Variants in OSBPL1A observed in about 807,000 individuals in gnomAD.
OSBPL1A encodes oxysterol-binding protein-related protein 1.
OSBPL1A carries 80 observed loss-of-function variants against 137.1 expected under a neutral mutation model. The ratio of observed to expected loss-of-function variants is 0.58; its 90% CI spans 0.49 to 0.70. OSBPL1A has a LOEUF of 0.70. OSBPL1A is among the 30% of genes least tolerant of loss of function. The pLI is 0.00. For missense variants in OSBPL1A, 970 were observed against 1,129.4 expected, an observed-to-expected ratio of 0.86 and a Z score of 2.02; for synonymous variants, 365 against 389.7, an observed-to-expected ratio of 0.94 and a Z score of 0.75.
At chr18:24,368,448 A>T in intron 2 of OSBPL1A, 76 bp from the exon 3 acceptor site, 1 of 1,050,642 alleles carries the variant, frequency 9.5e-7, no homozygotes, top group South Asian at 1.3e-5. Flanking sequence ...TCTCCATAAC[A>T]AGCTACCTCA....
chr18:24,270,626 A>C (rs1017918894), intron 15 of OSBPL1A, among the ~76,000 whole-genome samples: 2 of 152,156 alleles, frequency 1.3e-5, no homozygotes, highest in African/African-American at 4.8e-5. Flanking sequence ...ACTAAACAGA[A>C]ATTGAGTTAC....
In OSBPL1A at chr18:24,163,107, G is replaced by T; in HGVS notation, c.*72C>A. 1.7e-6 allele frequency: 2 copies of T among 1,152,922 alleles called. No homozygotes were observed. Among genetic ancestry groups the T allele is most frequent in the South Asian group, 1.5e-5 (1 of 67,350 alleles). 71.4% of individuals were successfully genotyped at this position (1,152,922 alleles called of 1,614,324 possible). On this transcript the variant is annotated 3_prime_UTR_variant, in exon 28 of 28. Coordinates refer to ENST00000319481, the MANE Select transcript of OSBPL1A (RefSeq NM_080597.4). Reference sequence around the variant, plus strand: ...TTTTTAAAAGATAAGTAGAAACCAAGGGAAAAAAATTTAAAAACATAGGTT... The same window carrying T: ...TTTTTAAAAGATAAGTAGAAACCAATGGAAAAAAATTTAAAAACATAGGTT...
chr18:24,292,448 T>C (rs144815614), intron 14 of OSBPL1A, among the ~76,000 whole-genome samples: 8 of 152,274 alleles, frequency 5.3e-5, no homozygotes, highest in African/African-American at 1.9e-4. Context: ...TGTTTCTCCC[T>C]GAGTTTGAGA....
intron 14 of OSBPL1A, among the ~76,000 whole-genome samples, chr18:24,301,672 TGA>T (rs1476686538): frequency 2.6e-5 from 4 of 152,216 alleles, no homozygotes; most frequent in Non-Finnish European, 5.9e-5. Context: ...TAAAGTCTAT[TGA>T]GAATGAACAG....
intron 21 of OSBPL1A, among the ~76,000 whole-genome samples, chr18:24,175,118 A>ATATATATATG (rs1567920145): frequency 7.9e-6 from 1 of 126,732 alleles, no homozygotes; most frequent in African/African-American, 3.6e-5. Flanking sequence ...GTATATATAT[A>ATATATATATG]TATATATATA....
chr18:24,379,449 G>A (rs1373226482), intron 1 of OSBPL1A, among the ~76,000 whole-genome samples: 1 of 151,904 alleles, frequency 6.6e-6, no homozygotes, highest in Non-Finnish European at 1.5e-5. Context: ...GAACCTGGGA[G>A]GTGGAGGTTG....
At chr18:24,302,921 T>C (rs1230317766) in intron 14 of OSBPL1A, among the ~76,000 whole-genome samples, 1 of 152,160 alleles carries the variant, frequency 6.6e-6, no homozygotes, top group African/African-American at 2.4e-5. Flanking sequence ...TTAAAAGTGT[T>C]GTTCGAAGTA....
At chr18:24,393,165 T>C (rs150660370) in intron 1 of OSBPL1A, among the ~76,000 whole-genome samples, 1 of 152,398 alleles carries the variant, frequency 6.6e-6, no homozygotes, top group East Asian at 1.9e-4. Flanking sequence ...TGCAATCATA[T>C]ACCTACATGT....
intron 1 of OSBPL1A, among the ~76,000 whole-genome samples, chr18:24,384,979 G>T (rs1482622872): frequency 1.3e-5 from 2 of 149,206 alleles, no homozygotes; most frequent in East Asian, 3.9e-4. Context: ...TTTTGAGATG[G>T]AGTCTTGCTC....
chr18:24,181,808 ACTTT>A (rs1212867529), intron 18 of OSBPL1A, among the ~76,000 whole-genome samples: 2 of 152,112 alleles, frequency 1.3e-5, no homozygotes, highest in Admixed American at 6.5e-5. Flanking sequence ...AAATGAATGC[ACTTT>A]CTTTGTCTGG....
intron 16 of OSBPL1A, among the ~76,000 whole-genome samples, chr18:24,226,428 T>C (rs1022520204): frequency 6.6e-6 from 1 of 152,164 alleles, no homozygotes; most frequent in African/African-American, 2.4e-5. Context: ...TTCATTAAAA[T>C]GGAAATTCAC....
At chr18:24,219,130 A>G (rs970562512) in intron 17 of OSBPL1A, among the ~76,000 whole-genome samples, 3 of 144,110 alleles carry the variant, frequency 2.1e-5, no homozygotes, top group South Asian at 2.1e-4. Context: ...TCATATCTGG[A>G]AAAAAAAAAT....
chr18:24,380,608 G>A (rs1488205740), intron 1 of OSBPL1A, among the ~76,000 whole-genome samples: 12 of 152,182 alleles, frequency 7.9e-5, no homozygotes, highest in African/African-American at 2.7e-4. Context: ...CCTGGCTAAG[G>A]CCTGTTTCCA....
chr18:24,263,767 C>A (rs1004656777), intron 15 of OSBPL1A, among the ~76,000 whole-genome samples: 2 of 152,162 alleles, frequency 1.3e-5, no homozygotes, highest in South Asian at 4.1e-4. Context: ...TCCCGAGTAG[C>A]TGGGATTACA....
At chr18:24,318,954 G>A in intron 7 of OSBPL1A, 145 bp from the exon 8 acceptor site, 2 of 697,682 alleles carry the variant, frequency 2.9e-6, no homozygotes, top group South Asian at 4.2e-5. Context: ...CCAGAGAGAG[G>A]TTGCCATCTC....
intron 17 of OSBPL1A, among the ~76,000 whole-genome samples, chr18:24,213,698 C>A (rs2087610866): frequency 6.6e-6 from 1 of 151,922 alleles, no homozygotes; most frequent in Non-Finnish European, 1.5e-5. Context: ...TCTATGATTG[C>A]CACTTAACAA....
intron 18 of OSBPL1A, among the ~76,000 whole-genome samples, chr18:24,181,947 G>A (rs569184152): frequency 6.6e-5 from 10 of 152,282 alleles, no homozygotes; most frequent in African/African-American, 2.2e-4. Context: ...ATGAATTGCT[G>A]TCTGTTCAAA....
intron 19 of OSBPL1A, among the ~76,000 whole-genome samples, chr18:24,180,806 G>A (rs2086586843): frequency 6.6e-6 from 1 of 152,144 alleles, no homozygotes; most frequent in Admixed American, 6.5e-5. Context: ...GAACCTGGGA[G>A]GCGGAGCTTG....
At chr18:24,235,985 G>A (rs1219912657) in intron 16 of OSBPL1A, among the ~76,000 whole-genome samples, 1 of 152,158 alleles carries the variant, frequency 6.6e-6, no homozygotes, top group South Asian at 2.1e-4. Context: ...CTTCCAGATG[G>A]AGGATGGGGC....
Sources: gnomAD v4.1 joint callset for allele counts (sites outside exome capture counted in the v4.1 genomes callset) on GRCh38, gnomAD v4.1.1 for gene constraint, MANE v1.5 for transcripts, NCBI Gene and HGNC (gene_info 2026-07-23, HGNC 2026-07-21) for gene names.